Variants in FNDC3A observed in about 807,000 individuals in gnomAD.
FNDC3A encodes fibronectin type-III domain-containing protein 3A.
In FNDC3A, 32 loss-of-function variants were observed where a neutral mutation model predicts 148.9. That is an observed-to-expected ratio of 0.21 (90% confidence interval 0.16 to 0.29). The LOEUF (loss-of-function observed/expected upper bound fraction) is 0.29, where lower values mean the gene tolerates loss of function less well. Ranked by LOEUF, FNDC3A falls within the 10% of genes least tolerant of loss-of-function variation. FNDC3A has a pLI of 1.00. For missense variants in FNDC3A, 1,191 were observed against 1,452.8 expected (o/e 0.82, Z 2.93); for synonymous variants, 472 against 473.6 (o/e 1.00, Z 0.04).
intron 8 of FNDC3A, among the ~76,000 whole-genome samples, chr13:49,165,317 C>T (rs1261057993): frequency 2.6e-5 from 4 of 152,006 alleles, no homozygotes; most frequent in Admixed American, 6.6e-5. Flanking sequence ...TTTGAGGTTG[C>T]TTTCATAGGG....
At chr13:49,048,645 A>G (rs952448220) in intron 2 of FNDC3A, among the ~76,000 whole-genome samples, 1 of 152,128 alleles carries the variant, frequency 6.6e-6, no homozygotes, top group Non-Finnish European at 1.5e-5. Flanking sequence ...TAGCAGACCT[A>G]CTGATTTGTG....
chr13:49,036,540 T>C (rs1874506185), intron 2 of FNDC3A, among the ~76,000 whole-genome samples: 1 of 152,238 alleles, frequency 6.6e-6, no homozygotes, highest in Admixed American at 6.5e-5. Context: ...GTTCAACCTA[T>C]GTTTTTGTAA....
chr13:48,989,966 G>A (rs1015854631), intron 1 of FNDC3A, among the ~76,000 whole-genome samples: 2 of 151,928 alleles, frequency 1.3e-5, no homozygotes, highest in African/African-American at 2.4e-5. Flanking sequence ...TGGCCAGGAT[G>A]GTCTCCATCT....
intron 10 of FNDC3A, among the ~76,000 whole-genome samples, chr13:49,171,795 A>G (rs866395735): frequency 4.6e-5 from 7 of 152,234 alleles, no homozygotes; most frequent in Admixed American, 2.6e-4. Context: ...CAAGTTATTA[A>G]TAGTTCTTGC....
At chr13:49,000,473 T>A (rs1330435707) in intron 1 of FNDC3A, among the ~76,000 whole-genome samples, 1 of 152,228 alleles carries the variant, frequency 6.6e-6, no homozygotes, top group African/African-American at 2.4e-5. Flanking sequence ...ACTGTTTTGA[T>A]TCCTGTGGCT....
intron 25 of FNDC3A, 81 bp from the exon 26 acceptor site, chr13:49,206,996 AAAAC>A (rs1334775648): frequency 3.1e-6 from 3 of 963,250 alleles, no homozygotes; most frequent in Non-Finnish European, 4.7e-6. Context: ...TTTCACATGA[AAAAC>A]AATTCTAACA....
chr13:49,186,019 C>G lies in FNDC3A; in HGVS notation c.1673C>G (p.Thr558Ser). ...KSNPSEVVEF[T>S]TCPDKPGIPV... ...AATCCAAGTGAAGTAGTAGAATTTA[C>G]TACTTGCCCTGATAAACCAGGCATA... is the stretch of plus-strand genomic sequence containing the variant. The change falls in exon 15 of 26, where the codon ACT (threonine) becomes AGT (serine). Residue 558 changes from threonine to serine, a missense_variant. By Grantham distance (58) the Thr-to-Ser change is moderately conservative (BLOSUM62 1). Coordinates refer to ENST00000492622, the MANE Select transcript of FNDC3A (RefSeq NM_001079673.2). 1.2e-6 allele frequency: 2 copies of G among 1,611,734 alleles called. No homozygotes were observed. Among genetic ancestry groups the G allele is most frequent in the Non-Finnish European group, 1.7e-6 (2 of 1,178,078 alleles).
chr13:49,003,640 T>C (rs1047412651), intron 1 of FNDC3A, among the ~76,000 whole-genome samples: 1 of 152,198 alleles, frequency 6.6e-6, no homozygotes, highest in African/African-American at 2.4e-5. Context: ...TATGAAGATA[T>C]TCTTCTGCAT....
chr13:49,166,764 A>G (rs1171264073), intron 8 of FNDC3A, among the ~76,000 whole-genome samples: 2 of 152,098 alleles, frequency 1.3e-5, no homozygotes, highest in African/African-American at 4.8e-5. Flanking sequence ...ACATGTTTCC[A>G]GTTTAATTCC....
At chr13:49,163,235 G>A (rs1056163904) in intron 8 of FNDC3A, among the ~76,000 whole-genome samples, 1 of 152,238 alleles carries the variant, frequency 6.6e-6, no homozygotes, top group Non-Finnish European at 1.5e-5. Flanking sequence ...CTTGCCTCCA[G>A]AGGTGGAGTC....
intron 8 of FNDC3A, among the ~76,000 whole-genome samples, chr13:49,147,999 A>G (rs1270921096): frequency 6.6e-6 from 1 of 152,104 alleles, no homozygotes; most frequent in Non-Finnish European, 1.5e-5. Flanking sequence ...ATTTTTTCAT[A>G]TACCTGTTGG....
chr13:49,028,242 A>G (rs955508944), intron 2 of FNDC3A, among the ~76,000 whole-genome samples: 2 of 152,054 alleles, frequency 1.3e-5, no homozygotes, highest in South Asian at 2.1e-4. Flanking sequence ...TGATTTAACT[A>G]TGTGCACTCT....
intron 2 of FNDC3A, among the ~76,000 whole-genome samples, chr13:49,037,976 A>C (rs1874625122): frequency 6.6e-6 from 1 of 152,152 alleles, no homozygotes; most frequent in South Asian, 2.1e-4. Flanking sequence ...TGAAGAGTGA[A>C]TGTGGGGGCT....
chr13:49,068,791 A>T, intron 2 of FNDC3A, among the ~76,000 whole-genome samples: 1 of 152,208 alleles, frequency 6.6e-6, no homozygotes, highest in East Asian at 1.9e-4. Flanking sequence ...TCCTTAGCAA[A>T]CTAACGCAGG....
chr13:49,067,780 CA>C (rs1877363997), intron 2 of FNDC3A, among the ~76,000 whole-genome samples: 1 of 152,006 alleles, frequency 6.6e-6, no homozygotes, highest in South Asian at 2.1e-4. Flanking sequence ...GTTTATATAC[CA>C]ATCCAGGTTG....
chr13:49,125,898 G>C (rs1881663915), intron 4 of FNDC3A, among the ~76,000 whole-genome samples: 1 of 152,096 alleles, frequency 6.6e-6, no homozygotes, highest in Admixed American at 6.5e-5. Flanking sequence ...AAATTAGGTG[G>C]CATCTGTGGT....
rs184205907 is a variant in FNDC3A, at chr13:49,161,394, C to T, written c.978-5850C>T. ...CTCTTGACCTTTGTTGGTTTAAAGT[C>T]GGTTTTATTGGAGACTAGGACTGCA... On this transcript the variant is annotated intron_variant, in intron 8 of 25. Coordinates refer to ENST00000492622, the MANE Select transcript of FNDC3A (RefSeq NM_001079673.2). Among the ~76,000 whole-genome samples the T allele has an allele frequency of 1.4e-4, 21 of 152,206 alleles. No homozygotes were observed. In the East Asian group the frequency reaches 3.5e-3, roughly 25 times the overall value.
chr13:49,065,827 A>C (rs1223778405), intron 2 of FNDC3A, among the ~76,000 whole-genome samples: 1 of 152,198 alleles, frequency 6.6e-6, no homozygotes, highest in Non-Finnish European at 1.5e-5. Context: ...TACATAGTAA[A>C]ATATGAGAAT....
chr13:48,990,655 G>A (rs111805728), intron 1 of FNDC3A, among the ~76,000 whole-genome samples: 12 of 150,820 alleles, frequency 8.0e-5, no homozygotes, highest in African/African-American at 2.7e-4. Context: ...ACAGCCGCTC[G>A]GAAGGCTAAG....
Sources: gnomAD v4.1 joint callset for allele counts (sites outside exome capture counted in the v4.1 genomes callset) on GRCh38, gnomAD v4.1.1 for gene constraint, MANE v1.5 for transcripts, NCBI Gene and HGNC (gene_info 2026-07-23, HGNC 2026-07-21) for gene names.